Variants in BEGAIN observed in about 807,000 individuals in gnomAD.
BEGAIN encodes the protein brain enriched guanylate kinase associated.
Under a neutral mutation model 35.8 loss-of-function variants are expected in BEGAIN, and 19 were observed. The observed-to-expected ratio is 0.53, with a 90% CI of 0.37 to 0.78. The LOEUF (loss-of-function observed/expected upper bound fraction) is 0.78, where lower values mean the gene tolerates loss of function less well. Ranked by LOEUF, BEGAIN falls within the 30% of genes least tolerant of loss-of-function variation. The pLI, the probability that BEGAIN is intolerant of heterozygous loss-of-function variation, is 0.00. For missense variants in BEGAIN, 795 were observed against 853.6 expected, an observed-to-expected ratio of 0.93 and a Z score of 0.85; for synonymous variants, 462 against 388.6, an observed-to-expected ratio of 1.19 and a Z score of -2.22.
Position 100,538,194 on chromosome 14 carries a change from C to A in BEGAIN, c.1614G>T (p.Gly538=), listed in dbSNP as rs781585791. 1.9e-6 allele frequency: 3 copies of A among 1,549,382 alleles called. No homozygotes were observed. The highest frequency in any genetic ancestry group is 2.6e-6 in the Non-Finnish European group (3 of 1,152,180). Residue 538 remains glycine (G), a synonymous_variant, in exon 7 of 7, where the codon GGG becomes GGT. Coordinates refer to ENST00000554140, the MANE Select transcript of BEGAIN (RefSeq NM_001385089.1). Reference sequence around the variant, plus strand: ...GCTGCACCCCGAGCCTGTCCCCGTCCCCCCCCTCGCTGGGTGCATAGCCGG... The same window carrying A: ...GCTGCACCCCGAGCCTGTCCCCGTCACCCCCCTCGCTGGGTGCATAGCCGG... ...PLPGYAPSEG[G]DGDRLGVQLC...
chr14:100,577,861 T>C lies in BEGAIN; in HGVS notation c.42+9388A>G, dbSNP rs2035235507. On this transcript the variant is annotated intron_variant, in intron 1 of 6. Transcript: ENST00000554140. ...TCTGTGAGCTTCCTTGATGGGGGCTTCTGTCCCGGGCTCCAGGAGGGAGCT... is the reference window on the plus strand; with the variant it reads ...TCTGTGAGCTTCCTTGATGGGGGCTCCTGTCCCGGGCTCCAGGAGGGAGCT... 3 of 399,182 alleles carry C rather than the reference T, an allele frequency of 7.5e-6. No homozygotes were observed. The South Asian group carries it at 3.8e-4, about 51-fold the overall frequency. 24.7% of individuals were successfully genotyped at this position (399,182 alleles called of 1,614,324 possible). A position where few individuals can be genotyped will look rare whatever the true frequency, so the allele number is the denominator to read the frequency against.
chr14:100,538,962 A>G lies in BEGAIN; in HGVS notation c.846T>C (p.Thr282=). 3.7e-6 allele frequency: 6 copies of G among 1,609,808 alleles called. No homozygotes were observed. The highest frequency in any genetic ancestry group is 5.1e-6 in the Non-Finnish European group (6 of 1,178,458). Residue 282 remains threonine, a synonymous_variant, in exon 7 of 7, where the codon ACT becomes ACC. Coordinates refer to ENST00000554140, the MANE Select transcript of BEGAIN (RefSeq NM_001385089.1). ...CCTCCTCCTCCTCGGCCGCGCTGTC[A>G]GTGGAGTTCTGGGCCCGCAGGAAGC... is the stretch of plus-strand genomic sequence containing the variant. ...DVGFLRAQNS[T]DSAAEEEEEA...
In BEGAIN at chr14:100,556,389, G is replaced by C. The variant is rs1425861210; in HGVS notation, c.72-9727C>G. 3.3e-5 allele frequency among the ~76,000 whole-genome samples: 5 copies of C among 152,212 alleles called. No homozygotes were observed. In the East Asian group the frequency reaches 5.8e-4, roughly 18 times the overall value. ...CACGTGCTGGGAGCTGGTACACCAT[G>C]TCCTGGGGAGCCCTCGGAGGGTGGG... On this transcript the variant is annotated intron_variant, in intron 2 of 6. Coordinates refer to ENST00000554140, the MANE Select transcript of BEGAIN (RefSeq NM_001385089.1).
intron 5 of BEGAIN, among the ~76,000 whole-genome samples, chr14:100,542,111 T>C (rs1216131883): frequency 3.3e-5 from 5 of 152,156 alleles, no homozygotes; most frequent in Non-Finnish European, 2.9e-5. Flanking sequence ...AAGAAGCACC[T>C]CCTGTCCCGA....
chr14:100,537,803 C>G lies in BEGAIN; in HGVS notation c.*166G>C, dbSNP rs2030776944. 1.8e-6 allele frequency: 2 copies of G among 1,110,952 alleles called. No homozygotes were observed. Among genetic ancestry groups the G allele is most frequent in the Admixed American group, 3.4e-5 (1 of 29,546 alleles). The allele number at this position is 1,110,952 out of a possible 1,614,324, so 68.8% of individuals were successfully genotyped here. On this transcript the variant is annotated 3_prime_UTR_variant, in exon 7 of 7. Coordinates refer to ENST00000554140, the MANE Select transcript of BEGAIN (RefSeq NM_001385089.1). Reference sequence around the variant, plus strand: ...GACACCGTGGTGTGGGGGACCCTCCCCTCAGGCCTACAGGGCTGGGGAGGA... The same window carrying G: ...GACACCGTGGTGTGGGGGACCCTCCGCTCAGGCCTACAGGGCTGGGGAGGA...
chr14:100,583,807 C>T (rs577281112), intron 1 of BEGAIN, among the ~76,000 whole-genome samples: 60 of 150,546 alleles, frequency 4.0e-4, no homozygotes, highest in African/African-American at 1.4e-3. Flanking sequence ...AGCAATTCTC[C>T]TGTCTCAGCC....
rs139304477 is a variant in BEGAIN at position 100,574,322 on chromosome 14, C to A, written c.43-6383G>T. Among the ~76,000 whole-genome samples the A allele has an allele frequency of 1.1e-3, 160 of 152,306 alleles. 1 individual carries two copies. The highest frequency in any genetic ancestry group is 3.8e-3 in the African/African-American group (158 of 41,574). ...TCCCCTGGGGAATTTGGGCACCTGG[C>A]CTCGGCTGCAGAGGTGACCCTGTCC... is the stretch of plus-strand genomic sequence containing the variant. On this transcript the variant is annotated intron_variant, in intron 1 of 6. Coordinates refer to ENST00000554140, the MANE Select transcript of BEGAIN (RefSeq NM_001385089.1).
intron 5 of BEGAIN, among the ~76,000 whole-genome samples, chr14:100,542,854 G>C (rs2031830987): frequency 6.6e-6 from 1 of 152,198 alleles, no homozygotes; most frequent in Admixed American, 6.5e-5. Flanking sequence ...GAAGCTGCAC[G>C]TGCAATCACG....
intron 2 of BEGAIN, chr14:100,548,658 CTG>C (rs2032846646): frequency 6.6e-6 from 1 of 152,336 alleles, no homozygotes. Flanking sequence ...AGCAACCTGT[CTG>C]AGACCTCACA....
Position 100,537,944 on chromosome 14 carries a change from C to G in BEGAIN, c.*25G>C, listed in dbSNP as rs367607366. On this transcript the variant is annotated 3_prime_UTR_variant, in exon 7 of 7. Coordinates refer to ENST00000554140, the MANE Select transcript of BEGAIN (RefSeq NM_001385089.1). Reference sequence around the variant, plus strand: ...GCACGTGGGCTGGCGGGGAGCGAACCACGGCCAGGCCTGCACGCAGGCGCT... The same window carrying G: ...GCACGTGGGCTGGCGGGGAGCGAACGACGGCCAGGCCTGCACGCAGGCGCT... 1.9e-6 allele frequency: 3 copies of G among 1,582,998 alleles called. No individual in the cohort carries two copies. The highest frequency in any genetic ancestry group is 2.6e-6 in the Non-Finnish European group (3 of 1,165,906).
chr14:100,546,735 G>T, intron 2 of BEGAIN, 73 bp from the exon 3 acceptor site: 1 of 1,420,114 alleles, frequency 7.0e-7, no homozygotes, highest in Non-Finnish European at 9.2e-7. Flanking sequence ...AGGCCAGCCG[G>T]GGCGTGCCGC....
At chr14:100,574,802 G>T (rs987754464) in intron 1 of BEGAIN, among the ~76,000 whole-genome samples, 8 of 152,190 alleles carry the variant, frequency 5.3e-5, no homozygotes, top group Admixed American at 1.3e-4. Context: ...AGGTCACTCA[G>T]CCGGAAAGCC....
chr14:100,568,469 G>C lies in BEGAIN; in HGVS notation c.43-530C>G. On this transcript the variant is annotated intron_variant, in intron 1 of 6. Coordinates refer to ENST00000554140, the MANE Select transcript of BEGAIN (RefSeq NM_001385089.1). This position sits in a 1 kb window ranked among gnomAD's most constrained non-coding sequence, Gnocchi z 7.5. ...CACAATCCGAGGGCGATGGCATTTGGAGCCTCGACTCCTCAATCAGGGACC... is the reference window on the plus strand; with the variant it reads ...CACAATCCGAGGGCGATGGCATTTGCAGCCTCGACTCCTCAATCAGGGACC... The C allele has an allele frequency of 7.8e-7, 1 of 1,286,280 alleles. No individual in the cohort carries two copies. The highest frequency in any genetic ancestry group is 1.0e-6 in the Non-Finnish European group (1 of 987,206). 79.7% of individuals were successfully genotyped at this position (1,286,280 alleles called of 1,614,324 possible).
rs552987972 is a variant in BEGAIN at position 100,539,322 on chromosome 14, C to T, written c.493-7G>A. Reference sequence around the variant, plus strand: ...CCTGGAAATCCGAGGGCAGCTGGAACGGGTGCGAGGAGGGGGACGGCGGGT... The same window carrying T: ...CCTGGAAATCCGAGGGCAGCTGGAATGGGTGCGAGGAGGGGGACGGCGGGT... On this transcript the variant is annotated splice_polypyrimidine_tract_variant and splice_region_variant and intron_variant, in intron 6 of 6. Transcript: ENST00000554140. The T allele has an allele frequency of 3.8e-5, 59 of 1,542,634 alleles. No individual in the cohort carries two copies. The highest frequency in any genetic ancestry group is 1.4e-4 in the Admixed American group (7 of 51,162).
chr14:100,553,062 C>T (rs913482574), intron 2 of BEGAIN, among the ~76,000 whole-genome samples: 1 of 152,180 alleles, frequency 6.6e-6, no homozygotes, highest in African/African-American at 2.4e-5. Flanking sequence ...CTCCAGGGCA[C>T]ATCTCCTCTC....
At chr14:100,553,132 G>A (rs1383392451) in intron 2 of BEGAIN, among the ~76,000 whole-genome samples, 3 of 152,156 alleles carry the variant, frequency 2.0e-5, no homozygotes, top group African/African-American at 7.2e-5. Context: ...CCCCAGGGAA[G>A]GGCTTGAAGG....
intron 5 of BEGAIN, among the ~76,000 whole-genome samples, chr14:100,541,484 G>A (rs752089627): frequency 2.6e-5 from 4 of 152,242 alleles, no homozygotes; most frequent in Non-Finnish European, 4.4e-5. Flanking sequence ...CTGAAGGCTG[G>A]TGCCCCCAAC....
At chr14:100,555,500 G>GCAA (rs1318037892) in intron 2 of BEGAIN, among the ~76,000 whole-genome samples, 1 of 152,196 alleles carries the variant, frequency 6.6e-6, no homozygotes, top group Non-Finnish European at 1.5e-5. Context: ...CCCACCGTGT[G>GCAA]CACCCATTCA....
chr14:100,568,180 G>T lies in BEGAIN; in HGVS notation c.43-241C>A. ...CGGGCCGCCGCGCTCCCCGCACCGA[G>T]TTACGCCCCCCGGGGCGAAGAAGGG... is the stretch of plus-strand genomic sequence containing the variant. On this transcript the variant is annotated intron_variant, in intron 1 of 6. Transcript: ENST00000554140. The surrounding 1 kb of genome is among the most constrained non-coding windows in gnomAD (Gnocchi z 7.5). 1.2e-6 allele frequency: 1 copy of T among 843,216 alleles called. No individual in the cohort carries two copies. 52.2% of individuals were successfully genotyped at this position (843,216 alleles called of 1,614,324 possible).
Sources: gnomAD v4.1 joint callset for allele counts (sites outside exome capture counted in the v4.1 genomes callset) on GRCh38, gnomAD v4.1.1 for gene constraint, Gnocchi (gnomAD v3.1) non-coding constraint, MANE v1.5 for transcripts, NCBI Gene and HGNC (gene_info 2026-07-23, HGNC 2026-07-21) for gene names.